The following ALK variants were observed in gnomAD, a reference collection of about 807,000 sequenced individuals.
The protein encoded by ALK is ALK tyrosine kinase receptor.
Under a neutral mutation model 163.1 loss-of-function variants are expected in ALK, and 74 were observed. The observed-to-expected ratio is 0.45, with a 90% CI of 0.38 to 0.55. The LOEUF is 0.55. Ranked by LOEUF, ALK falls within the 20% of genes least tolerant of loss-of-function variation. The probability of loss-of-function intolerance (pLI) is 0.00; values close to 1 mark genes in which losing one functional copy is unlikely to be tolerated. For missense variants in ALK, 2,063 were observed against 2,105.3 expected, an observed-to-expected ratio of 0.98 and a Z score of 0.39; for synonymous variants, 960 against 843.2, an observed-to-expected ratio of 1.14 and a Z score of -2.40.
Position 29,500,923 on chromosome 2 carries a change from A to G in ALK, c.1154+30992T>C, listed in dbSNP as rs575289312. Among the ~76,000 whole-genome samples the G allele has an allele frequency of 2.6e-5, 4 of 151,032 alleles. No homozygotes were observed. The South Asian group carries it at 8.5e-4, about 32-fold the overall frequency. ...CACATTGACACAACCCCAGTCCCCA[A>G]CTCCCCACCTCCTTTCTGGCATATT... is the stretch of plus-strand genomic sequence containing the variant. On this transcript the variant is annotated intron_variant, in intron 4 of 28. Transcript: ENST00000389048.
intron 1 of ALK, among the ~76,000 whole-genome samples, chr2:29,830,738 AAAAAAAAAAAAAAAAC>A (rs1665349462): frequency 7.9e-6 from 1 of 126,748 alleles, no homozygotes. Flanking sequence ...AAAAAAAAAA[AAAAAAAAAAAAAAAAC>A]TTAGCCAAGC....
chr2:29,727,786 T>C (rs1330045877), intron 1 of ALK, among the ~76,000 whole-genome samples: 2 of 152,234 alleles, frequency 1.3e-5, no homozygotes, highest in Non-Finnish European at 2.9e-5. Flanking sequence ...GTCACCTTTG[T>C]TGCTTCCATT....
chr2:29,814,207 C>T (rs924933178), intron 1 of ALK, among the ~76,000 whole-genome samples: 1 of 152,160 alleles, frequency 6.6e-6, no homozygotes, highest in Admixed American at 6.5e-5. Flanking sequence ...CACTGAGGCC[C>T]AGCGGCTAAC....
At chr2:29,850,328 G>A (rs80253210) in intron 1 of ALK, among the ~76,000 whole-genome samples, 2,971 of 152,312 alleles carry the variant, frequency 0.02, 89 homozygotes, top group African/African-American at 0.069. Context: ...GGGCACTTCC[G>A]GGTGCTGGGA....
At chr2:29,833,777 C>A (rs1273443350) in intron 1 of ALK, among the ~76,000 whole-genome samples, 1 of 152,212 alleles carries the variant, frequency 6.6e-6, no homozygotes, top group Non-Finnish European at 1.5e-5. Context: ...TACCCTGTAT[C>A]TCCTTGAAAG....
chr2:29,835,320 G>T (rs1016809801), intron 1 of ALK, among the ~76,000 whole-genome samples: 2 of 152,162 alleles, frequency 1.3e-5, no homozygotes, highest in Non-Finnish European at 2.9e-5. Context: ...GGGGGGAAAG[G>T]TATTTCCATC....
intron 4 of ALK, among the ~76,000 whole-genome samples, chr2:29,442,105 T>C (rs1670559912): frequency 2.5e-5 from 3 of 119,224 alleles, no homozygotes; most frequent in African/African-American, 9.0e-5. Context: ...GACAAACCCA[T>C]ATCCTGCCTA....
At chr2:29,288,975 T>TA (rs1665943289) in intron 9 of ALK, among the ~76,000 whole-genome samples, 1 of 109,014 alleles carries the variant, frequency 9.2e-6, no homozygotes, top group East Asian at 2.8e-4. Context: ...AATAAATAAA[T>TA]AAATAAATAA....
chr2:29,479,126 G>A (rs1465191877), intron 4 of ALK, among the ~76,000 whole-genome samples: 1 of 152,162 alleles, frequency 6.6e-6, no homozygotes, highest in Non-Finnish European at 1.5e-5. Flanking sequence ...GTGTTAGAGA[G>A]AGCTCTAGAG....
intron 1 of ALK, among the ~76,000 whole-genome samples, chr2:29,793,109 T>C (rs571825968): frequency 3.2e-4 from 49 of 152,336 alleles, no homozygotes; most frequent in African/African-American, 1.2e-3. Context: ...GTTTATGTAA[T>C]ATTTTAAACC....
intron 3 of ALK, among the ~76,000 whole-genome samples, chr2:29,609,363 T>A (rs1450386447): frequency 6.6e-6 from 1 of 152,126 alleles, no homozygotes; most frequent in Non-Finnish European, 1.5e-5. Flanking sequence ...GAAGATTTCA[T>A]TATGTGATAG....
intron 1 of ALK, among the ~76,000 whole-genome samples, chr2:29,719,439 G>GTAGA (rs1219009920): frequency 6.6e-6 from 1 of 152,202 alleles, no homozygotes; most frequent in East Asian, 1.9e-4. Flanking sequence ...ACTCTGTTTC[G>GTAGA]TAGATAGGCA....
chr2:29,675,996 G>A (rs929283904), intron 3 of ALK, among the ~76,000 whole-genome samples: 1 of 152,046 alleles, frequency 6.6e-6, no homozygotes. Flanking sequence ...AAAGTGTTGG[G>A]ATTACAGGTG....
rs998680638 is a variant in ALK at position 29,854,066 on chromosome 2, C to T, written c.667+65927G>A. On this transcript the variant is annotated intron_variant, in intron 1 of 28. Transcript: ENST00000389048. ...CTGGGATTATGGGTTTGAGCCACCGCACCCGGCCGGAATGTTCTTTCTTAT... is the reference window on the plus strand; with the variant it reads ...CTGGGATTATGGGTTTGAGCCACCGTACCCGGCCGGAATGTTCTTTCTTAT... 2.6e-5 allele frequency among the ~76,000 whole-genome samples: 4 copies of T among 151,960 alleles called. No individual in the cohort carries two copies. The South Asian group carries it at 8.4e-4, about 32-fold the overall frequency.
chr2:29,572,388 C>T (rs994240850), intron 3 of ALK, among the ~76,000 whole-genome samples: 4 of 152,182 alleles, frequency 2.6e-5, no homozygotes, highest in Non-Finnish European at 5.9e-5. Flanking sequence ...AACTCCTCAG[C>T]TTAGTAAGCA....
chr2:29,418,229 A>G (rs1669927496), intron 4 of ALK, among the ~76,000 whole-genome samples: 1 of 152,136 alleles, frequency 6.6e-6, no homozygotes, highest in African/African-American at 2.4e-5. Flanking sequence ...AAAGCAGTCA[A>G]CCTTTTACAT....
At chr2:29,853,414 G>GGAGA (rs1666055571) in intron 1 of ALK, among the ~76,000 whole-genome samples, 1 of 152,088 alleles carries the variant, frequency 6.6e-6, no homozygotes, top group African/African-American at 2.4e-5. Flanking sequence ...TCTCTCACCT[G>GGAGA]GACAGACTGG....
At chr2:29,251,383 T>G in intron 11 of ALK, 116 bp from the exon 12 acceptor site, 6 of 1,083,358 alleles carry the variant, frequency 5.5e-6, no homozygotes, top group Non-Finnish European at 8.1e-6. Flanking sequence ...CCATCCAAGA[T>G]GGCACCAAGG....
At chr2:29,797,845 C>A (rs1370314889) in intron 1 of ALK, among the ~76,000 whole-genome samples, 1 of 151,756 alleles carries the variant, frequency 6.6e-6, no homozygotes, top group Admixed American at 6.6e-5. Context: ...AGCACTATAC[C>A]TGTTTATTCA....
Sources: gnomAD v4.1 joint callset for allele counts (sites outside exome capture counted in the v4.1 genomes callset) on GRCh38, gnomAD v4.1.1 for gene constraint, MANE v1.5 for transcripts, NCBI Gene and HGNC (gene_info 2026-07-23, HGNC 2026-07-21) for gene names.